Variants in TGM6 observed in about 807,000 individuals in gnomAD.
The protein encoded by TGM6 is protein-glutamine gamma-glutamyltransferase 6.
Under a neutral mutation model 77.5 loss-of-function variants are expected in TGM6, and 74 were observed. The observed-to-expected ratio is 0.96, with a 90% CI of 0.79 to 1.16. The LOEUF is 1.16. Ranked by LOEUF, TGM6 falls within the 50% of genes most tolerant of loss-of-function variation. TGM6 has a pLI of 0.00. For synonymous variants in TGM6, 383 were observed against 378.9 expected, an observed-to-expected ratio of 1.01 and a Z score of -0.12; for missense variants, 968 against 940.2, an observed-to-expected ratio of 1.03 and a Z score of -0.39.
chr20:2,390,426 G>T (rs2084622501), intron 1 of TGM6, among the ~76,000 whole-genome samples: 1 of 152,162 alleles, frequency 6.6e-6, no homozygotes, highest in Non-Finnish European at 1.5e-5. Context: ...TGGAAGCCAG[G>T]ATGCCCACAG....
At chr20:2,381,604 G>A (rs1263533099) in intron 1 of TGM6, among the ~76,000 whole-genome samples, 1 of 152,194 alleles carries the variant, frequency 6.6e-6, no homozygotes, top group Non-Finnish European at 1.5e-5. Flanking sequence ...TCTCAAGTGG[G>A]GACTTGTAAA....
chr20:2,399,883 G>A, intron 6 of TGM6, 145 bp downstream of exon 6: 1 of 765,498 alleles, frequency 1.3e-6, no homozygotes, highest in Non-Finnish European at 2.1e-6. Flanking sequence ...GATGAAGAGA[G>A]AAGCCAGAGA....
chr20:2,397,996 G>A lies in TGM6; in HGVS notation c.622G>A (p.Val208Met), dbSNP rs61743614. 144 of 1,614,134 alleles carry A rather than the reference G, an allele frequency of 8.9e-5. No homozygotes were observed. In the African/African-American group the frequency reaches 1.3e-3, roughly 15 times the overall value. The change falls in exon 5 of 13, where the codon GTG (valine) becomes ATG (methionine). Residue 208 changes from valine (V) to methionine (M), a missense_variant. Transcript: ENST00000202625. The stretch of plus-strand genomic sequence containing the variant: ...TCACCAAAACAACCCAGCCACCGAC[G>A]TGTCCTGCCGCCACAACCCCATCTA... Reference protein sequence around the residue: ...PGHQNNPATDVSCRHNPIYVT... With the variant: ...PGHQNNPATDMSCRHNPIYVT...
intron 1 of TGM6, among the ~76,000 whole-genome samples, chr20:2,394,108 G>T (rs770362351): frequency 2.6e-5 from 4 of 152,006 alleles, no homozygotes; most frequent in Non-Finnish European, 5.9e-5. Flanking sequence ...TGACCAACAT[G>T]GCAAAACCCC....
At chr20:2,390,755 G>A (rs1337471011) in intron 1 of TGM6, among the ~76,000 whole-genome samples, 1 of 152,200 alleles carries the variant, frequency 6.6e-6, no homozygotes, top group Non-Finnish European at 1.5e-5. Flanking sequence ...AGTGGTCAGT[G>A]AAGGTCCCAC....
Position 2,406,781 on chromosome 20 carries a change from G to A in TGM6, c.1336+2958G>A, listed in dbSNP as rs145060457. On this transcript the variant is annotated intron_variant, in intron 9 of 12. Coordinates refer to ENST00000202625, the MANE Select transcript of TGM6 (RefSeq NM_198994.3). The stretch of plus-strand genomic sequence containing the variant: ...ACCTGGGAGGCGGAGGTTGCAGTGA[G>A]CCAGGATCGCACACTGCACTCCACC... Among the ~76,000 whole-genome samples, 34 of 132,416 alleles carry A rather than the reference G, an allele frequency of 2.6e-4. No homozygotes were observed. In the East Asian group the frequency reaches 7.5e-3, roughly 29 times the overall value. The allele number at this position is 132,416 out of a possible 152,430, so 86.9% of individuals were successfully genotyped here.
chr20:2,415,110 A>G (rs577494705), intron 9 of TGM6, among the ~76,000 whole-genome samples: 1 of 152,352 alleles, frequency 6.6e-6, no homozygotes, highest in Non-Finnish European at 1.5e-5. Context: ...CCTCCATGAG[A>G]AGGTGGCATT....
intron 10 of TGM6, among the ~76,000 whole-genome samples, chr20:2,422,927 G>T (rs2084866143): frequency 7.2e-6 from 1 of 139,630 alleles, no homozygotes; most frequent in South Asian, 2.4e-4. Flanking sequence ...TCCAGCCTGG[G>T]TAACAAAGGG....
chr20:2,401,844 A>G (rs1322899599), intron 7 of TGM6, among the ~76,000 whole-genome samples: 1 of 152,200 alleles, frequency 6.6e-6, no homozygotes, highest in East Asian at 1.9e-4. Flanking sequence ...CCTCAGTTAA[A>G]AACAAGTTTG....
At chr20:2,428,933 C>T (rs2122438513) in intron 10 of TGM6, among the ~76,000 whole-genome samples, 1 of 152,046 alleles carries the variant, frequency 6.6e-6, no homozygotes, top group East Asian at 1.9e-4. Context: ...AAGTAATTCT[C>T]CTGCCTCAGC....
chr20:2,386,980 G>C (rs1371460246), intron 1 of TGM6, among the ~76,000 whole-genome samples: 1 of 152,158 alleles, frequency 6.6e-6, no homozygotes, highest in Admixed American at 6.5e-5. Context: ...TGAAAAAATA[G>C]CATCCTGTTC....
chr20:2,418,285 C>T (rs1197346549), intron 10 of TGM6, among the ~76,000 whole-genome samples: 1 of 152,200 alleles, frequency 6.6e-6, no homozygotes. Flanking sequence ...AGGCTTAAGC[C>T]ACGGCACCAG....
intron 10 of TGM6, among the ~76,000 whole-genome samples, chr20:2,425,558 C>T (rs1167732988): frequency 6.6e-6 from 1 of 152,190 alleles, no homozygotes; most frequent in Non-Finnish European, 1.5e-5. Flanking sequence ...GTCTTGATGA[C>T]TGTACCTTTA....
At chr20:2,396,745 A>G (rs2084671424) in intron 4 of TGM6, 121 bp downstream of exon 4, 3 of 874,808 alleles carry the variant, frequency 3.4e-6, no homozygotes, top group Non-Finnish European at 5.6e-6. Context: ...CTCCTAGAGA[A>G]AACCCACTCA....
intron 1 of TGM6, among the ~76,000 whole-genome samples, chr20:2,383,020 T>C (rs578003355): frequency 7.9e-5 from 12 of 151,922 alleles, no homozygotes; most frequent in Admixed American, 2.6e-4. Flanking sequence ...TGGGTTGGAG[T>C]TGATGAGTCA....
chr20:2,424,998 G>T (rs573362378), intron 10 of TGM6, among the ~76,000 whole-genome samples: 61 of 152,218 alleles, frequency 4.0e-4, no homozygotes, highest in African/African-American at 1.3e-3. Context: ...ACAGGGCATG[G>T]TTTGTGGTGC....
intron 10 of TGM6, among the ~76,000 whole-genome samples, chr20:2,426,358 C>T (rs80111055): frequency 0.051 from 7,701 of 151,966 alleles, 299 homozygotes; most frequent in Non-Finnish European, 0.072. Context: ...AATCTTATAC[C>T]CTGTAACCTT....
intron 10 of TGM6, among the ~76,000 whole-genome samples, chr20:2,420,259 A>C (rs1459674955): frequency 3.3e-5 from 5 of 152,064 alleles, no homozygotes; most frequent in Admixed American, 6.6e-5. Context: ...AAACAAACAA[A>C]AAAAAAAGTG....
At chr20:2,413,097 G>C (rs976218294) in intron 9 of TGM6, among the ~76,000 whole-genome samples, 4 of 152,038 alleles carry the variant, frequency 2.6e-5, no homozygotes, top group African/African-American at 9.7e-5. Flanking sequence ...GAAGTTGGAG[G>C]GCTCATACTT....
Sources: allele counts gnomAD v4.1 joint callset (sites outside exome capture counted in the v4.1 genomes callset), GRCh38; gene constraint gnomAD v4.1.1; transcripts MANE v1.5; gene names NCBI Gene and HGNC (gene_info 2026-07-23, HGNC 2026-07-21).